CHD6: variants seen among roughly 807,000 people sequenced by gnomAD.
CHD6 encodes the protein ATP-dependent chromatin remodeler CHD6.
A neutral mutation model predicts 276.9 loss-of-function variants in CHD6; 50 were observed. The ratio of observed to expected loss-of-function variants is 0.18; its 90% CI spans 0.14 to 0.23. CHD6 has a LOEUF of 0.23. Ranked by LOEUF, CHD6 falls within the 10% of genes least tolerant of loss-of-function variation. The pLI is 1.00. For synonymous variants in CHD6, 1,173 were observed against 1,229.3 expected, an observed-to-expected ratio of 0.95 and a Z score of 0.96; for missense variants, 2,564 against 3,365.8, an observed-to-expected ratio of 0.76 and a Z score of 5.89.
intron 1 of CHD6, among the ~76,000 whole-genome samples, chr20:41,567,322 C>T (rs866786303): frequency 1.3e-5 from 2 of 152,170 alleles, no homozygotes; most frequent in Non-Finnish European, 2.9e-5. Flanking sequence ...TGTGTCTAGC[C>T]TGATGACCAT....
At chr20:41,506,098 C>T (rs1279700667) in intron 5 of CHD6, among the ~76,000 whole-genome samples, 2 of 152,160 alleles carry the variant, frequency 1.3e-5, no homozygotes, top group South Asian at 2.1e-4. Context: ...TTCTCACCAT[C>T]TCCATTGCTT....
chr20:41,412,299 G>C, intron 35 of CHD6, 36 bp from the exon 36 acceptor site: 2 of 1,611,358 alleles, frequency 1.2e-6, no homozygotes, highest in Non-Finnish European at 1.7e-6. Flanking sequence ...TACAAAACAT[G>C]CTATCCCAGA....
chr20:41,443,671 T>C (rs997559975), intron 25 of CHD6, among the ~76,000 whole-genome samples: 5 of 152,234 alleles, frequency 3.3e-5, no homozygotes, highest in African/African-American at 1.2e-4. Context: ...TTCATCTTCT[T>C]TATCACTCAG....
chr20:41,547,596 A>T, intron 2 of CHD6: 1 of 552,260 alleles, frequency 1.8e-6, no homozygotes, highest in South Asian at 1.4e-5. Context: ...TCTAAGGATT[A>T]CAGTGAAACT....
At chr20:41,597,196 G>C (rs1308682854) in intron 1 of CHD6, among the ~76,000 whole-genome samples, 1 of 152,120 alleles carries the variant, frequency 6.6e-6, no homozygotes, top group African/African-American at 2.4e-5. Flanking sequence ...AAGAAGAATA[G>C]GGAGGTCAGG....
chr20:41,450,374 T>C (rs1291833885), intron 23 of CHD6, among the ~76,000 whole-genome samples: 4 of 152,158 alleles, frequency 2.6e-5, no homozygotes, highest in Admixed American at 2.0e-4. Context: ...AATATCCACA[T>C]GCAAACTTGC....
At chr20:41,460,051 G>A (rs2048496562) in intron 17 of CHD6, among the ~76,000 whole-genome samples, 1 of 152,228 alleles carries the variant, frequency 6.6e-6, no homozygotes, top group Non-Finnish European at 1.5e-5. Context: ...GGGAACTAGA[G>A]CAAACGTGAC....
At chr20:41,601,148 T>G (rs746769435) in intron 1 of CHD6, among the ~76,000 whole-genome samples, 83 of 152,326 alleles carry the variant, frequency 5.4e-4, no homozygotes, top group Middle Eastern at 3.4e-3. Context: ...TTCTGGGAAG[T>G]TCTTCCTAAC....
intron 16 of CHD6, among the ~76,000 whole-genome samples, chr20:41,481,082 G>A (rs1055255191): frequency 6.6e-6 from 1 of 151,662 alleles, no homozygotes; most frequent in Non-Finnish European, 1.5e-5. Context: ...TTCATCTTAG[G>A]TGACAGAGCG....
intron 1 of CHD6, among the ~76,000 whole-genome samples, chr20:41,577,694 T>C (rs2045489680): frequency 6.6e-6 from 1 of 152,100 alleles, no homozygotes; most frequent in Non-Finnish European, 1.5e-5. Context: ...TTATTGTATG[T>C]TGAATAAACA....
chr20:41,556,917 T>C (rs2045245272), intron 1 of CHD6, among the ~76,000 whole-genome samples: 1 of 152,220 alleles, frequency 6.6e-6, no homozygotes. Context: ...GGCTAAATTT[T>C]ATGTACTAGG....
At chr20:41,462,326 T>A (rs2042821092) in intron 17 of CHD6, among the ~76,000 whole-genome samples, 1 of 152,190 alleles carries the variant, frequency 6.6e-6, no homozygotes, top group Admixed American at 6.5e-5. Flanking sequence ...AATATAACAT[T>A]TTCAGAAAAC....
chr20:41,555,246 A>C (rs1345769789), intron 1 of CHD6, among the ~76,000 whole-genome samples: 3 of 113,856 alleles, frequency 2.6e-5, no homozygotes, highest in Non-Finnish European at 1.7e-5. Flanking sequence ...TGACCCCCCC[A>C]CCTCCCTCCT....
intron 5 of CHD6, among the ~76,000 whole-genome samples, chr20:41,510,145 AG>A (rs1025130440): frequency 6.6e-6 from 1 of 152,164 alleles, no homozygotes; most frequent in African/African-American, 2.4e-5. Context: ...CCCCGGGAGA[AG>A]GATATAGGAA....
Position 41,441,909 on chromosome 20 carries a change from G to A in CHD6, c.3878-1780C>T, listed in dbSNP as rs553818809. Among the ~76,000 whole-genome samples the A allele has an allele frequency of 1.1e-4, 17 of 152,304 alleles. No homozygotes were observed. In the South Asian group the frequency reaches 2.9e-3, roughly 26 times the overall value. ...AATATCAACAGAAATACTAAAGTCT[G>A]TATGTCAAGGAAAATTTCACACATC... On this transcript the variant is annotated intron_variant, in intron 25 of 36. Transcript: ENST00000373233.
At chr20:41,567,937 G>A (rs143145627) in intron 1 of CHD6, among the ~76,000 whole-genome samples, 6 of 152,204 alleles carry the variant, frequency 3.9e-5, no homozygotes, top group African/African-American at 1.4e-4. Flanking sequence ...ATGAGTGACT[G>A]GATGGAGACA....
intron 3 of CHD6, among the ~76,000 whole-genome samples, chr20:41,531,086 A>G (rs764788503): frequency 9.2e-5 from 14 of 152,210 alleles, no homozygotes; most frequent in Non-Finnish European, 1.9e-4. Flanking sequence ...TTATTCCCCC[A>G]AAATGGAATT....
intron 5 of CHD6, among the ~76,000 whole-genome samples, chr20:41,510,257 G>T (rs377046267): frequency 6.6e-6 from 1 of 152,234 alleles, no homozygotes; most frequent in Non-Finnish European, 1.5e-5. Flanking sequence ...TTTCGTTAGC[G>T]TGGGAAATCT....
chr20:41,452,089 C>T lies in CHD6; in HGVS notation c.3324-64G>A. ...GGACCAGGCCATGCAGGCAGCCTCC[C>T]CACAGGAGGAGAAACAAGAGCCATA... On this transcript the variant is annotated intron_variant, in intron 21 of 36. Coordinates refer to ENST00000373233, the MANE Select transcript of CHD6 (RefSeq NM_032221.5). The surrounding 1 kb of genome is among the most constrained non-coding windows in gnomAD (Gnocchi z 4.2). 8.0e-7 allele frequency: 1 copy of T among 1,243,786 alleles called. No individual in the cohort carries two copies. The highest frequency in any genetic ancestry group is 1.2e-6 in the Non-Finnish European group (1 of 853,330). The allele number at this position is 1,243,786 out of a possible 1,614,324, so 77.0% of individuals were successfully genotyped here. A position where few individuals can be genotyped will look rare whatever the true frequency, so the allele number is the denominator to read the frequency against.
Sources: gnomAD v4.1 joint callset for allele counts (sites outside exome capture counted in the v4.1 genomes callset) on GRCh38, gnomAD v4.1.1 for gene constraint, Gnocchi (gnomAD v3.1) non-coding constraint, MANE v1.5 for transcripts, NCBI Gene and HGNC (gene_info 2026-07-23, HGNC 2026-07-21) for gene names.